RPTOR: variants seen among roughly 807,000 people sequenced by gnomAD.
RPTOR encodes regulatory-associated protein of mTOR.
Under a neutral mutation model 169.9 loss-of-function variants are expected in RPTOR, and 21 were observed. The ratio of observed to expected loss-of-function variants is 0.12; its 90% CI spans 0.09 to 0.18. The LOEUF is 0.18. Among genes scored for constraint, RPTOR ranks in the 10% least tolerant of loss-of-function variants. RPTOR has a pLI of 1.00. For missense variants in RPTOR, 1,133 were observed against 1,855.9 expected, an observed-to-expected ratio of 0.61 and a Z score of 7.16; for synonymous variants, 732 against 753.2, an observed-to-expected ratio of 0.97 and a Z score of 0.46.
chr17:80,871,210 A>G (rs2068048522), intron 13 of RPTOR, among the ~76,000 whole-genome samples: 1 of 152,024 alleles, frequency 6.6e-6, no homozygotes, highest in Non-Finnish European at 1.5e-5. Context: ...TGTTCACGCC[A>G]TTCTCCTGCC....
chr17:80,749,366 T>C lies in RPTOR; in HGVS notation c.655-4644T>C, dbSNP rs564202876. On this transcript the variant is annotated intron_variant, in intron 5 of 33. Transcript: ENST00000306801. ...GGCCGTGGCGGGAGGACCTGTTGGA[T>C]GGAGGGACTGCGGTGTGTGTTTAGA... Among the ~76,000 whole-genome samples, 12 of 62,466 alleles carry C rather than the reference T, an allele frequency of 1.9e-4. No individual in the cohort carries two copies. In the South Asian group the frequency reaches 8.4e-3, roughly 44 times the overall value. The allele number at this position is 62,466 out of a possible 152,430, so 41.0% of individuals were successfully genotyped here.
intron 6 of RPTOR, among the ~76,000 whole-genome samples, chr17:80,763,290 AG>A (rs2066753918): frequency 6.6e-6 from 1 of 152,172 alleles, no homozygotes; most frequent in Admixed American, 6.5e-5. Flanking sequence ...TGTATTTCAA[AG>A]GTTGGAAATC....
At chr17:80,799,774 C>G (rs1190372756) in intron 7 of RPTOR, among the ~76,000 whole-genome samples, 1 of 151,524 alleles carries the variant, frequency 6.6e-6, no homozygotes, top group Admixed American at 6.6e-5. Flanking sequence ...CTGCACACCC[C>G]TTCCCTCCCC....
chr17:80,617,519 A>G (rs559884564), intron 1 of RPTOR, among the ~76,000 whole-genome samples: 2 of 152,276 alleles, frequency 1.3e-5, no homozygotes, highest in East Asian at 3.9e-4. Context: ...CTTCCATAGG[A>G]TACAGTTTAT....
Position 80,746,891 on chromosome 17 carries a change from C to G in RPTOR, c.655-7119C>G, listed in dbSNP as rs1035099117. ...CCTGAAGAACGTTCATTGGCAGAAC[C>G]CTTTGGCTTGAATGTCAGGATGTTT... On this transcript the variant is annotated intron_variant, in intron 5 of 33. Transcript: ENST00000306801. This position sits in a 1 kb window ranked among gnomAD's most constrained non-coding sequence, Gnocchi z 4.5. 1.4e-5 allele frequency among the ~76,000 whole-genome samples: 2 copies of G among 147,764 alleles called. No individual in the cohort carries two copies. Among genetic ancestry groups the G allele is most frequent in the African/African-American group, 4.9e-5 (2 of 40,864 alleles).
At chr17:80,858,217 A>G (rs2067877281) in intron 13 of RPTOR, 2 of 365,384 alleles carry the variant, frequency 5.5e-6, no homozygotes, top group Admixed American at 4.0e-5. Context: ...GACCCCCGTA[A>G]GGCTGTCCCC....
chr17:80,958,212 C>T (rs2069281586), intron 29 of RPTOR, among the ~76,000 whole-genome samples: 1 of 149,456 alleles, frequency 6.7e-6, no homozygotes, highest in Non-Finnish European at 1.5e-5. Context: ...CCCCCCCCAC[C>T]ACCAAGTAGC....
chr17:80,660,743 A>G (rs9905794), intron 3 of RPTOR, among the ~76,000 whole-genome samples: 7,954 of 152,224 alleles, frequency 0.052, 712 homozygotes, highest in African/African-American at 0.18. Flanking sequence ...GCCGCACTCA[A>G]TGGTAACTGA....
chr17:80,965,395 T>C lies in RPTOR; in HGVS notation c.*1065T>C. On this transcript the variant is annotated 3_prime_UTR_variant, in exon 34 of 34. Coordinates refer to ENST00000306801, the MANE Select transcript of RPTOR (RefSeq NM_020761.3). ...GTCTCCAGCCTTGAGCCGCCCATGC[T>C]GATGCGACCTCGGCTGACAGCTGGG... 4.3e-6 allele frequency: 1 copy of C among 233,378 alleles called. No homozygotes were observed. The highest frequency in any genetic ancestry group is 8.5e-6 in the Non-Finnish European group (1 of 118,080). 14.5% of individuals were successfully genotyped at this position (233,378 alleles called of 1,614,324 possible). A position where few individuals can be genotyped will look rare whatever the true frequency, so the allele number is the denominator to read the frequency against.
At position 80,634,264 on chromosome 17, in the gene RPTOR, CGT is replaced by C. The variant is rs1240522409; in HGVS notation, c.265+8479_265+8480del. 3.0e-4 allele frequency among the ~76,000 whole-genome samples: 13 copies of C among 43,942 alleles called. 1 individual carries two copies. In the East Asian group the frequency reaches 7.5e-3, roughly 25 times the overall value. The allele number at this position is 43,942 out of a possible 152,430, so 28.8% of individuals were successfully genotyped here. A position where few individuals can be genotyped will look rare whatever the true frequency, so the allele number is the denominator to read the frequency against. On this transcript the variant is annotated intron_variant, in intron 2 of 33. Transcript: ENST00000306801. ...GCGTGCATACTGTATGCGTGCATACCGTGTGTGTGCGTACTGTGTGTGTGCGT... is the reference window on the plus strand; with the variant it reads ...GCGTGCATACTGTATGCGTGCATACCGTGTGTGCGTACTGTGTGTGTGCGT...
At chr17:80,810,568 T>C (rs2067263345) in intron 7 of RPTOR, among the ~76,000 whole-genome samples, 1 of 94,562 alleles carries the variant, frequency 1.1e-5, no homozygotes, top group Non-Finnish European at 2.3e-5. Flanking sequence ...TCTCTGTTTT[T>C]GTTTTGTTTT....
intron 5 of RPTOR, among the ~76,000 whole-genome samples, chr17:80,743,682 GC>G (rs2143268865): frequency 1.5e-5 from 2 of 135,698 alleles, no homozygotes; most frequent in Non-Finnish European, 1.7e-5. Flanking sequence ...CACAGCCCTG[GC>G]TACTAGCACA....
chr17:80,745,127 T>C (rs1414496273), intron 5 of RPTOR, among the ~76,000 whole-genome samples: 1 of 152,232 alleles, frequency 6.6e-6, no homozygotes, highest in Non-Finnish European at 1.5e-5. Flanking sequence ...CTTTTTGATA[T>C]AGAGGGTGAA....
chr17:80,768,025 G>A (rs985154608), intron 6 of RPTOR, among the ~76,000 whole-genome samples: 3 of 152,010 alleles, frequency 2.0e-5, no homozygotes, highest in Non-Finnish European at 4.4e-5. Context: ...CACCATGCCT[G>A]GCTAATTTTT....
At chr17:80,883,580 G>A in intron 15 of RPTOR, 96 bp downstream of exon 15, 2 of 1,321,846 alleles carry the variant, frequency 1.5e-6, no homozygotes, top group South Asian at 2.4e-5. Context: ...GGGGGACAGG[G>A]GGTGTCCAGC....
intron 3 of RPTOR, among the ~76,000 whole-genome samples, chr17:80,687,245 T>G (rs1362003696): frequency 6.6e-6 from 1 of 152,224 alleles, no homozygotes; most frequent in African/African-American, 2.4e-5. Flanking sequence ...TCACGTTTGC[T>G]CTTCGTTACC....
At chr17:80,648,813 A>C (rs2065616451) in intron 3 of RPTOR, among the ~76,000 whole-genome samples, 1 of 152,036 alleles carries the variant, frequency 6.6e-6, no homozygotes, top group Non-Finnish European at 1.5e-5. Context: ...CACGTGCCAT[A>C]GGGGGAACCC....
At chr17:80,882,243 T>C (rs983206320) in intron 14 of RPTOR, among the ~76,000 whole-genome samples, 7 of 152,194 alleles carry the variant, frequency 4.6e-5, no homozygotes, top group Admixed American at 4.6e-4. Context: ...AGAAGCAGTT[T>C]TTGATTAGAT....
chr17:80,824,374 A>G (rs1325313299), intron 9 of RPTOR, among the ~76,000 whole-genome samples: 1 of 152,226 alleles, frequency 6.6e-6, no homozygotes, highest in East Asian at 1.9e-4. Context: ...TTTTTCACGA[A>G]TCCATGAATA....
Sources: allele counts gnomAD v4.1 joint callset (sites outside exome capture counted in the v4.1 genomes callset), GRCh38; gene constraint gnomAD v4.1.1; non-coding constraint Gnocchi (gnomAD v3.1); transcripts MANE v1.5; gene names NCBI Gene and HGNC (gene_info 2026-07-23, HGNC 2026-07-21).